The following TOX variants were observed in gnomAD, a reference collection of about 807,000 sequenced individuals.
TOX encodes the protein thymocyte selection-associated high mobility group box protein TOX.
A neutral mutation model predicts 53.7 loss-of-function variants in TOX; 11 were observed. The ratio of observed to expected loss-of-function variants is 0.20; its 90% CI spans 0.13 to 0.34. TOX has a LOEUF of 0.34. TOX is among the 10% of genes least tolerant of loss of function. The probability of loss-of-function intolerance (pLI) is 1.00; values close to 1 mark genes in which losing one functional copy is unlikely to be tolerated. For missense variants in TOX, 570 were observed against 664.6 expected, an observed-to-expected ratio of 0.86 and a Z score of 1.56; for synonymous variants, 225 against 245.3, an observed-to-expected ratio of 0.92 and a Z score of 0.77.
chr8:58,995,343 A>G (rs1813541928), intron 1 of TOX, among the ~76,000 whole-genome samples: 1 of 152,214 alleles, frequency 6.6e-6, no homozygotes, highest in African/African-American at 2.4e-5. Flanking sequence ...CCCAAAGACA[A>G]AACCGTTTTC....
chr8:58,961,454 G>A (rs1328795378), intron 1 of TOX, among the ~76,000 whole-genome samples: 1 of 152,108 alleles, frequency 6.6e-6, no homozygotes, highest in Non-Finnish European at 1.5e-5. Context: ...TGGGTGTTTT[G>A]GTTGCTCTGT....
intron 3 of TOX, among the ~76,000 whole-genome samples, chr8:58,863,304 C>T (rs1313226034): frequency 6.6e-6 from 1 of 152,176 alleles, no homozygotes; most frequent in Non-Finnish European, 1.5e-5. Context: ...AATGCCCATT[C>T]TTAGCCTTTG....
chr8:59,115,183 A>G (rs1805081165), intron 1 of TOX, among the ~76,000 whole-genome samples: 1 of 152,134 alleles, frequency 6.6e-6, no homozygotes, highest in Non-Finnish European at 1.5e-5. Flanking sequence ...AGAACAGTGA[A>G]GCCCATTATT....
At chr8:59,112,483 A>G (rs1400860159) in intron 1 of TOX, among the ~76,000 whole-genome samples, 1 of 152,312 alleles carries the variant, frequency 6.6e-6, no homozygotes, top group Non-Finnish European at 1.5e-5. Flanking sequence ...TCATCTTGGC[A>G]CTGTAGTTTC....
chr8:58,810,616 G>C (rs1225200743), intron 7 of TOX, among the ~76,000 whole-genome samples: 1 of 152,110 alleles, frequency 6.6e-6, no homozygotes, highest in Non-Finnish European at 1.5e-5. Context: ...GCCTCCCAAA[G>C]TGCTGGGATT....
At chr8:58,826,730 C>T (rs1375266311) in intron 6 of TOX, 92 bp downstream of exon 6, 6 of 1,076,750 alleles carry the variant, frequency 5.6e-6, no homozygotes, top group African/African-American at 4.9e-5. Flanking sequence ...TGTGCAGAAT[C>T]GTTAAAGTGA....
At chr8:59,020,404 T>G (rs946084251) in intron 1 of TOX, among the ~76,000 whole-genome samples, 1 of 152,190 alleles carries the variant, frequency 6.6e-6, no homozygotes, top group Non-Finnish European at 1.5e-5. Flanking sequence ...GAGAATGCTT[T>G]TCTTTATCCT....
At chr8:59,106,301 C>T (rs909068463) in intron 1 of TOX, among the ~76,000 whole-genome samples, 3 of 148,246 alleles carry the variant, frequency 2.0e-5, no homozygotes, top group Non-Finnish European at 3.0e-5. Context: ...TTTCTAAGTA[C>T]TCTTTAGGGG....
chr8:59,105,592 T>C (rs1804886370), intron 1 of TOX, among the ~76,000 whole-genome samples: 1 of 152,172 alleles, frequency 6.6e-6, no homozygotes. Context: ...TGTTATGTTC[T>C]AAAATGAGTT....
chr8:59,074,186 G>C (rs1369054972), intron 1 of TOX, among the ~76,000 whole-genome samples: 1 of 152,174 alleles, frequency 6.6e-6, no homozygotes, highest in African/African-American at 2.4e-5. Flanking sequence ...CAATTGAAGA[G>C]AGGCAAGGAA....
intron 1 of TOX, among the ~76,000 whole-genome samples, chr8:58,991,468 G>A (rs1813445264): frequency 6.6e-6 from 1 of 152,176 alleles, no homozygotes; most frequent in African/African-American, 2.4e-5. Flanking sequence ...AGTTCCAGGA[G>A]GAAACTGTTA....
chr8:59,083,209 G>A (rs1403141369), intron 1 of TOX, among the ~76,000 whole-genome samples: 1 of 152,230 alleles, frequency 6.6e-6, no homozygotes, highest in African/African-American at 2.4e-5. Flanking sequence ...GAGTCCAGAA[G>A]AGGCTGCATA....
At chr8:58,989,797 A>G (rs1813406455) in intron 1 of TOX, among the ~76,000 whole-genome samples, 1 of 152,218 alleles carries the variant, frequency 6.6e-6, no homozygotes, top group Non-Finnish European at 1.5e-5. Flanking sequence ...ACAGCCCAGT[A>G]TGACTGAGAG....
intron 3 of TOX, among the ~76,000 whole-genome samples, chr8:58,860,189 G>C (rs1422163043): frequency 6.6e-6 from 1 of 152,150 alleles, no homozygotes; most frequent in East Asian, 1.9e-4. Context: ...AGCTGCCACT[G>C]TTTCTAATGA....
At chr8:58,912,740 A>C (rs1047580928) in intron 3 of TOX, among the ~76,000 whole-genome samples, 1 of 152,160 alleles carries the variant, frequency 6.6e-6, no homozygotes, top group African/African-American at 2.4e-5. Flanking sequence ...ATGGCATGGG[A>C]ATACATCACT....
intron 1 of TOX, among the ~76,000 whole-genome samples, chr8:59,114,238 C>A (rs1040057904): frequency 2.0e-5 from 3 of 152,104 alleles, no homozygotes; most frequent in African/African-American, 7.2e-5. Context: ...TCCTTAATAT[C>A]ATTTACTAAC....
chr8:58,832,185 A>T (rs1022873458), intron 5 of TOX, among the ~76,000 whole-genome samples: 2 of 147,896 alleles, frequency 1.4e-5, no homozygotes, highest in Non-Finnish European at 3.0e-5. Context: ...TATATATATA[A>T]TATATGTAAT....
At position 58,851,818 on chromosome 8, in the gene TOX, A is replaced by T. The variant is rs199512741; in HGVS notation, c.412-13T>A. On this transcript the variant is annotated splice_polypyrimidine_tract_variant and intron_variant, in intron 3 of 8. Coordinates refer to ENST00000361421, the MANE Select transcript of TOX (RefSeq NM_014729.3). This position sits in a 1 kb window ranked among gnomAD's most constrained non-coding sequence, Gnocchi z 4.4. ...GTATATCTGGCATCTACAATAAATA[A>T]ATAAATAAATAAATAAATAAATAAA... The T allele has an allele frequency of 8.0e-7, 1 of 1,252,060 alleles. No individual in the cohort carries two copies. The highest frequency in any genetic ancestry group is 1.0e-6 in the Non-Finnish European group (1 of 987,280). The allele number at this position is 1,252,060 out of a possible 1,614,324, so 77.6% of individuals were successfully genotyped here. A position where few individuals can be genotyped will look rare whatever the true frequency, so the allele number is the denominator to read the frequency against.
At chr8:59,015,721 A>T (rs1025765403) in intron 1 of TOX, among the ~76,000 whole-genome samples, 3 of 152,256 alleles carry the variant, frequency 2.0e-5, no homozygotes, top group Admixed American at 2.0e-4. Flanking sequence ...AAAAACAAAC[A>T]GTATAAAGAT....
Sources: allele counts gnomAD v4.1 joint callset (sites outside exome capture counted in the v4.1 genomes callset), GRCh38; gene constraint gnomAD v4.1.1; non-coding constraint Gnocchi (gnomAD v3.1); transcripts MANE v1.5; gene names NCBI Gene and HGNC (gene_info 2026-07-23, HGNC 2026-07-21).